Variants in CFAP20DC observed in about 807,000 individuals in gnomAD.
CFAP20DC encodes protein CFAP20DC.
Under a neutral mutation model 101.7 loss-of-function variants are expected in CFAP20DC, and 84 were observed. The observed-to-expected ratio is 0.83, with a 90% confidence interval of 0.69 to 0.99. The LOEUF (loss-of-function observed/expected upper bound fraction) is 0.99. Among genes scored for constraint, CFAP20DC ranks in the 50% least tolerant of loss-of-function variants. The pLI is 0.00. For missense variants in CFAP20DC, 1,007 were observed against 970.3 expected (o/e 1.04, Z -0.50); for synonymous variants, 359 against 351.2 (o/e 1.02, Z -0.25).
intron 4 of CFAP20DC, among the ~76,000 whole-genome samples, chr3:58,980,503 C>G (rs1050315672): frequency 1.5e-4 from 23 of 152,142 alleles, no homozygotes; most frequent in African/African-American, 5.6e-4. Context: ...AAAGCTTATC[C>G]ACCATGATCA....
chr3:58,789,473 T>C (rs2072666600), intron 15 of CFAP20DC, among the ~76,000 whole-genome samples: 1 of 152,184 alleles, frequency 6.6e-6, no homozygotes, highest in African/African-American at 2.4e-5. Flanking sequence ...CAAAGTTTGG[T>C]TATACCTTTC....
Position 58,941,149 on chromosome 3 carries a change from T to C in CFAP20DC, c.279-3387A>G, listed in dbSNP as rs540152395. 5.2e-4 allele frequency among the ~76,000 whole-genome samples: 79 copies of C among 151,134 alleles called. 2 individuals carry two copies. The highest frequency in any genetic ancestry group is 1.9e-3 in the African/African-American group (77 of 40,872). ...ATTTAGATGATCCTGGTCAACATGG[T>C]GAAACCTCGTCTCTACTAAAAATAC... is the stretch of plus-strand genomic sequence containing the variant. On this transcript the variant is annotated intron_variant, in intron 4 of 16. Coordinates refer to ENST00000482387, the MANE Select transcript of CFAP20DC (RefSeq NM_001394063.1).
intron 4 of CFAP20DC, chr3:59,017,423 A>C (rs1000926167): frequency 6.6e-6 from 1 of 152,140 alleles, no homozygotes; most frequent in Non-Finnish European, 1.5e-5. Context: ...AATGAGTCCA[A>C]ATGACACTAG....
At chr3:58,754,489 G>T (rs1246527031) in intron 15 of CFAP20DC, among the ~76,000 whole-genome samples, 1 of 152,090 alleles carries the variant, frequency 6.6e-6, no homozygotes, top group Non-Finnish European at 1.5e-5. Context: ...CATCCAGAAG[G>T]CTTGAGTCAC....
At chr3:58,838,097 G>GT (rs1381904155) in intron 13 of CFAP20DC, among the ~76,000 whole-genome samples, 1 of 152,176 alleles carries the variant, frequency 6.6e-6, no homozygotes, top group Admixed American at 6.6e-5. Flanking sequence ...AGCACAAGCT[G>GT]TAAGTGACAC....
At chr3:58,836,909 T>C (rs940006525) in intron 13 of CFAP20DC, among the ~76,000 whole-genome samples, 16 of 152,176 alleles carry the variant, frequency 1.1e-4, no homozygotes, top group African/African-American at 3.6e-4. Context: ...AAAGGTCGTT[T>C]TGTGGAGGAT....
chr3:58,730,027 A>G (rs1253433803), intron 3 of CFAP20DC, among the ~76,000 whole-genome samples: 1 of 150,890 alleles, frequency 6.6e-6, no homozygotes, highest in East Asian at 1.9e-4. Context: ...CCAAAAAAAA[A>G]AAAAAAAAAA....
intron 4 of CFAP20DC, among the ~76,000 whole-genome samples, chr3:58,982,154 T>A (rs2092576285): frequency 6.6e-6 from 1 of 151,998 alleles, no homozygotes; most frequent in East Asian, 1.9e-4. Flanking sequence ...AAAACCACAA[T>A]GAGATACCAC....
intron 3 of CFAP20DC, among the ~76,000 whole-genome samples, chr3:58,720,890 T>C (rs1273154213): frequency 1.3e-5 from 2 of 152,022 alleles, no homozygotes; most frequent in Non-Finnish European, 2.9e-5. Context: ...TACAAAGGAG[T>C]AATTATTTGT....
intron 11 of CFAP20DC, among the ~76,000 whole-genome samples, chr3:58,865,079 A>T (rs1316684620): frequency 2.0e-5 from 3 of 151,196 alleles, no homozygotes; most frequent in Non-Finnish European, 2.9e-5. Flanking sequence ...GCATTTTCTC[A>T]ATGTAGTCTT....
intron 6 of CFAP20DC, among the ~76,000 whole-genome samples, chr3:58,888,760 G>C (rs1442196940): frequency 2.6e-5 from 4 of 152,192 alleles, no homozygotes; most frequent in African/African-American, 9.7e-5. Flanking sequence ...ATTGCAAATA[G>C]TGCTGCAGTG....
chr3:58,930,963 G>A (rs535498097), intron 5 of CFAP20DC, among the ~76,000 whole-genome samples: 8 of 152,198 alleles, frequency 5.3e-5, no homozygotes, highest in African/African-American at 1.7e-4. Flanking sequence ...GAAGCAGGGC[G>A]AGGCATTGCC....
chr3:59,003,859 A>G (rs757949330), intron 4 of CFAP20DC, among the ~76,000 whole-genome samples: 1 of 152,172 alleles, frequency 6.6e-6, no homozygotes, highest in Non-Finnish European at 1.5e-5. Flanking sequence ...ATTTCACTTT[A>G]ATTTCCACCA....
At chr3:59,004,112 G>T (rs181146374) in intron 4 of CFAP20DC, among the ~76,000 whole-genome samples, 147 of 152,286 alleles carry the variant, frequency 9.7e-4, no homozygotes, top group Non-Finnish European at 1.4e-3. Flanking sequence ...GGACAAGGGG[G>T]TCAAGCTAGA....
chr3:58,720,957 G>C (rs547847197), intron 3 of CFAP20DC, among the ~76,000 whole-genome samples: 154 of 152,308 alleles, frequency 1.0e-3, no homozygotes, highest in African/African-American at 3.5e-3. Context: ...CTTGGGATGC[G>C]GCACTTGGGG....
At chr3:58,767,127 A>G (rs1490587005) in intron 15 of CFAP20DC, among the ~76,000 whole-genome samples, 1 of 152,174 alleles carries the variant, frequency 6.6e-6, no homozygotes, top group Non-Finnish European at 1.5e-5. Flanking sequence ...ATGTATGACT[A>G]TTGAAATAGT....
At chr3:59,025,658 A>C (rs1217378038) in intron 4 of CFAP20DC, among the ~76,000 whole-genome samples, 2 of 152,110 alleles carry the variant, frequency 1.3e-5, no homozygotes, top group East Asian at 3.9e-4. Flanking sequence ...CACCATGCTA[A>C]TAAGTGGTAG....
chr3:58,820,875 A>G (rs1432144334), intron 14 of CFAP20DC, among the ~76,000 whole-genome samples: 2 of 150,058 alleles, frequency 1.3e-5, no homozygotes, highest in East Asian at 2.0e-4. Context: ...GAGCCATCAC[A>G]CTACCTGACT....
intron 15 of CFAP20DC, among the ~76,000 whole-genome samples, chr3:58,762,289 T>C (rs908249826): frequency 2.6e-5 from 4 of 152,164 alleles, no homozygotes; most frequent in Admixed American, 6.5e-5. Context: ...TACCATTATG[T>C]AATGGCCTTC....
Sources: gnomAD v4.1 joint callset for allele counts (sites outside exome capture counted in the v4.1 genomes callset) on GRCh38, gnomAD v4.1.1 for gene constraint, MANE v1.5 for transcripts, NCBI Gene and HGNC (gene_info 2026-07-23, HGNC 2026-07-21) for gene names.